PYGO1: variants seen among roughly 807,000 people sequenced by gnomAD.
The protein encoded by PYGO1 is pygopus homolog 1.
PYGO1 carries 6 observed loss-of-function variants against 29.5 expected under a neutral mutation model. That is an observed-to-expected ratio of 0.20 (90% CI 0.11 to 0.40). The LOEUF is 0.40. Ranked by LOEUF, PYGO1 falls within the 10% of genes least tolerant of loss-of-function variation. The pLI, the probability that PYGO1 is intolerant of heterozygous loss-of-function variation, is 1.00. For synonymous variants in PYGO1, 186 were observed against 180.5 expected (o/e 1.03, Z -0.24); for missense variants, 515 against 514.9 (o/e 1.00, Z 0.00).
chr15:55,579,991 T>C (rs958668502), intron 1 of PYGO1, among the ~76,000 whole-genome samples: 1 of 152,204 alleles, frequency 6.6e-6, no homozygotes, highest in Non-Finnish European at 1.5e-5. Context: ...TTCCCACTGG[T>C]CTCCCACTTA....
rs555617012 is a variant in PYGO1 at position 55,583,507 on chromosome 15, T to TG, written c.49+4327_49+4328insC. 1.2e-3 allele frequency among the ~76,000 whole-genome samples: 188 copies of TG among 151,890 alleles called. 1 individual carries two copies. Among genetic ancestry groups the TG allele is most frequent in the African/African-American group, 4.3e-3 (178 of 41,406 alleles). ...ATCATTTAATCTTTTACCACATTTT[T>TG]TTGTTTGTTTTTGTTTTCTTTTGTT... On this transcript the variant is annotated intron_variant, in intron 1 of 2. Transcript: ENST00000563719.
chr15:55,559,091 A>T lies in PYGO1; in HGVS notation c.50-10096T>A, dbSNP rs1363227221. 3.3e-5 allele frequency among the ~76,000 whole-genome samples: 5 copies of T among 152,334 alleles called. No homozygotes were observed. The South Asian group carries it at 6.2e-4, about 19-fold the overall frequency. On this transcript the variant is annotated intron_variant, in intron 1 of 2. Transcript: ENST00000563719. ...AATTTTTGCAATCTACTCATCTGAC[A>T]AAGGGCTAATATCCAGAATCTACAA...
Position 55,588,106 on chromosome 15 carries a change from G to A in PYGO1, c.-223C>T. On this transcript the variant is annotated 5_prime_UTR_variant, in exon 1 of 3. Transcript: ENST00000563719. ...GGCGGGGCGGCGTGCGGGCACCGGC[G>A]GGGCTCAGCGGCGGTGGCCGGGAGC... 3 of 976,980 alleles carry A rather than the reference G, an allele frequency of 3.1e-6. No individual in the cohort carries two copies. The highest frequency in any genetic ancestry group is 3.7e-6 in the Non-Finnish European group (3 of 817,932). 60.5% of individuals were successfully genotyped at this position (976,980 alleles called of 1,614,324 possible). A position where few individuals can be genotyped will look rare whatever the true frequency, so the allele number is the denominator to read the frequency against.
Position 55,546,815 on chromosome 15 carries a change from G to T in PYGO1, c.468C>A (p.Phe156Leu), listed in dbSNP as rs200667416. 3.1e-6 allele frequency: 5 copies of T among 1,613,892 alleles called. No homozygotes were observed. Among genetic ancestry groups the T allele is most frequent in the Non-Finnish European group, 3.4e-6 (4 of 1,179,888 alleles). ...FNFGPHDNSS[F>L]GNPSYNNALS... Reference sequence around the variant, plus strand: ...GTGCATTATTATAAGATGGATTACCGAAACTTGAATTATCATGTGGCCCAA... The same window carrying T: ...GTGCATTATTATAAGATGGATTACCTAAACTTGAATTATCATGTGGCCCAA... Residue 156 changes from phenylalanine (F) to leucine (L), a missense_variant, in exon 3 of 3, where the codon TTC becomes TTA. Coordinates refer to ENST00000563719, the MANE Select transcript of PYGO1 (RefSeq NM_001367806.1).
rs546121747 is a variant in PYGO1, at chr15:55,539,076, T to C, written c.*6947A>G. ...CATTAAGCATTATCCCTGAAAAGAATGGCCAACAATAACATGGACTGTCTT... is the reference window on the plus strand; with the variant it reads ...CATTAAGCATTATCCCTGAAAAGAACGGCCAACAATAACATGGACTGTCTT... On this transcript the variant is annotated 3_prime_UTR_variant, in exon 3 of 3. Transcript: ENST00000563719. 20 of 152,288 alleles carry C rather than the reference T, an allele frequency of 1.3e-4. No homozygotes were observed. Among genetic ancestry groups the C allele is most frequent in the Non-Finnish European group, 2.5e-4 (17 of 68,012 alleles). The allele number at this position is 152,288 out of a possible 1,614,324, so 9.4% of individuals were successfully genotyped here.
intron 2 of PYGO1, among the ~76,000 whole-genome samples, chr15:55,548,015 C>CATTTTA (rs1228481448): frequency 6.6e-6 from 1 of 152,062 alleles, no homozygotes; most frequent in Non-Finnish European, 1.5e-5. Flanking sequence ...TAAGAACAAG[C>CATTTTA]ATTTTAATTT....
chr15:55,559,161 G>A (rs985347995), intron 1 of PYGO1, among the ~76,000 whole-genome samples: 29 of 152,050 alleles, frequency 1.9e-4, no homozygotes, highest in African/African-American at 5.3e-4. Context: ...CCATCGAAAC[G>A]CGGGTGAAGG....
rs370670911 is a variant in PYGO1 at position 55,547,110 on chromosome 15, G to A, written c.173C>T (p.Pro58Leu). ...SFPPLSEYAP[P>L]PNPNSDHLVA... Reference sequence around the variant, plus strand: ...TAGATGGTCAGAGTTTGGATTCGGTGGTGGAGCATACTCAGACAATGGAGG... The same window carrying A: ...TAGATGGTCAGAGTTTGGATTCGGTAGTGGAGCATACTCAGACAATGGAGG... The change falls in exon 3 of 3, where the codon CCA becomes CTA. Residue 58 changes from proline to leucine, a missense_variant. Physicochemically the swap from Pro to Leu is moderately conservative, Grantham distance 98. Transcript: ENST00000563719. 3.8e-5 allele frequency: 61 copies of A among 1,609,550 alleles called. No individual in the cohort carries two copies. Among genetic ancestry groups the A allele is most frequent in the Non-Finnish European group, 5.0e-5 (59 of 1,178,548 alleles).
rs2058830317 is a variant in PYGO1 at position 55,542,131 on chromosome 15, A to G, written c.*3892T>C. 6.6e-6 allele frequency: 1 copy of G among 152,230 alleles called. No homozygotes were observed. The highest frequency in any genetic ancestry group is 1.5e-5 in the Non-Finnish European group (1 of 68,038). The allele number at this position is 152,230 out of a possible 1,614,324, so 9.4% of individuals were successfully genotyped here. On this transcript the variant is annotated 3_prime_UTR_variant, in exon 3 of 3. Coordinates refer to ENST00000563719, the MANE Select transcript of PYGO1 (RefSeq NM_001367806.1). ...AAAATCATTGCTTATATATTTTCTT[A>G]CTATTAAATACAATTACTATAGTAC...
chr15:55,557,333 A>C (rs1032256082), intron 1 of PYGO1, among the ~76,000 whole-genome samples: 2 of 152,224 alleles, frequency 1.3e-5, no homozygotes, highest in Admixed American at 1.3e-4. Context: ...ACAGGCTCTG[A>C]AATTGAGGCA....
At chr15:55,561,471 G>T (rs2058932473) in intron 1 of PYGO1, among the ~76,000 whole-genome samples, 2 of 152,172 alleles carry the variant, frequency 1.3e-5, no homozygotes. Flanking sequence ...TCACAAAGTG[G>T]CAGGAGAAAG....
intron 1 of PYGO1, among the ~76,000 whole-genome samples, chr15:55,569,880 C>T (rs62021863): frequency 0.054 from 8,189 of 152,282 alleles, 277 homozygotes; most frequent in Middle Eastern, 0.068. Flanking sequence ...TATAGCTGCA[C>T]TGCCAGGTCA....
rs572381159 is a variant in PYGO1 at position 55,560,445 on chromosome 15, T to C, written c.50-11450A>G. On this transcript the variant is annotated intron_variant, in intron 1 of 2. Coordinates refer to ENST00000563719, the MANE Select transcript of PYGO1 (RefSeq NM_001367806.1). ...TCCCATTCACAATTGCTAGAGAGAA[T>C]ATACTACCTAGGAATACAGCTAACA... is the stretch of plus-strand genomic sequence containing the variant. 2.0e-4 allele frequency among the ~76,000 whole-genome samples: 31 copies of C among 151,952 alleles called. No individual in the cohort carries two copies. In the South Asian group the frequency reaches 3.3e-3, roughly 16 times the overall value.
chr15:55,582,986 C>T (rs1382550888), intron 1 of PYGO1, among the ~76,000 whole-genome samples: 1 of 152,038 alleles, frequency 6.6e-6, no homozygotes, highest in African/African-American at 2.4e-5. Context: ...CTGTACTACT[C>T]CATTCTAAAA....
intron 1 of PYGO1, among the ~76,000 whole-genome samples, chr15:55,586,139 A>G (rs1331385088): frequency 1.3e-5 from 2 of 152,190 alleles, no homozygotes; most frequent in African/African-American, 2.4e-5. Context: ...AAAATGAATG[A>G]CTGTGGTCCT....
At chr15:55,564,827 G>T (rs1012380743) in intron 1 of PYGO1, among the ~76,000 whole-genome samples, 1 of 152,170 alleles carries the variant, frequency 6.6e-6, no homozygotes, top group Non-Finnish European at 1.5e-5. Flanking sequence ...AGGATATCAA[G>T]GTATCAGTAG....
At chr15:55,570,783 A>C (rs755006645) in intron 1 of PYGO1, among the ~76,000 whole-genome samples, 1 of 152,130 alleles carries the variant, frequency 6.6e-6, no homozygotes, top group Non-Finnish European at 1.5e-5. Context: ...CTTATGCTTA[A>C]AAGAGCAATC....
rs12908678 is a variant in PYGO1 at position 55,541,591 on chromosome 15, T to C, written c.*4432A>G. 2.6e-5 allele frequency: 4 copies of C among 152,226 alleles called. No individual in the cohort carries two copies. Among genetic ancestry groups the C allele is most frequent in the African/African-American group, 7.2e-5 (3 of 41,464 alleles). 9.4% of individuals were successfully genotyped at this position (152,226 alleles called of 1,614,324 possible). Reference sequence around the variant, plus strand: ...ACACTTTTCCCACTATCTTCATTCATACCTTAGTAGAAAATGCTTTTCTCT... The same window carrying C: ...ACACTTTTCCCACTATCTTCATTCACACCTTAGTAGAAAATGCTTTTCTCT... On this transcript the variant is annotated 3_prime_UTR_variant, in exon 3 of 3. Transcript: ENST00000563719.
chr15:55,583,499 C>G (rs577957062), intron 1 of PYGO1, among the ~76,000 whole-genome samples: 187 of 124,902 alleles, frequency 1.5e-3, no homozygotes, highest in African/African-American at 5.2e-3. Context: ...AATCTTTTAC[C>G]ACATTTTTTT....
Sources: gnomAD v4.1 joint callset for allele counts (sites outside exome capture counted in the v4.1 genomes callset) on GRCh38, gnomAD v4.1.1 for gene constraint, MANE v1.5 for transcripts, NCBI Gene and HGNC (gene_info 2026-07-23, HGNC 2026-07-21) for gene names.